Variants in HIVEP3 observed in about 807,000 individuals in gnomAD.
HIVEP3 encodes transcription factor HIVEP3.
A neutral mutation model predicts 152.8 loss-of-function variants in HIVEP3; 49 were observed. That is an observed-to-expected ratio of 0.32 (90% CI 0.26 to 0.41). The LOEUF (loss-of-function observed/expected upper bound fraction) is 0.41, where lower values mean the gene tolerates loss of function less well. Ranked by LOEUF, HIVEP3 falls within the 10% of genes least tolerant of loss-of-function variation. The pLI is 1.00. For missense variants in HIVEP3, 2,790 were observed against 3,103.3 expected, an observed-to-expected ratio of 0.90 and a Z score of 2.40; for synonymous variants, 1,269 against 1,289.0, an observed-to-expected ratio of 0.98 and a Z score of 0.33.
intron 3 of HIVEP3, among the ~76,000 whole-genome samples, chr1:41,604,729 G>A (rs749419317): frequency 5.9e-5 from 9 of 152,130 alleles, no homozygotes; most frequent in Non-Finnish European, 8.8e-5. Context: ...TTAGTATTCT[G>A]TACTAGCAGC....
At chr1:41,604,064 C>T (rs1418813945) in intron 3 of HIVEP3, among the ~76,000 whole-genome samples, 1 of 152,234 alleles carries the variant, frequency 6.6e-6, no homozygotes, top group Admixed American at 6.5e-5. Flanking sequence ...ACAACTGGAA[C>T]TCTTCTTGTG....
intron 1 of HIVEP3, among the ~76,000 whole-genome samples, chr1:41,821,765 C>G (rs967218032): frequency 6.6e-6 from 1 of 152,202 alleles, no homozygotes; most frequent in African/African-American, 2.4e-5. Context: ...CAGTCTGGTC[C>G]TTTGGCTGCC....
intron 1 of HIVEP3, among the ~76,000 whole-genome samples, chr1:41,962,144 A>G (rs1645172987): frequency 6.6e-6 from 1 of 152,274 alleles, no homozygotes; most frequent in African/African-American, 2.4e-5. Flanking sequence ...GATTCACTTA[A>G]GCCAGAAATA....
At chr1:41,623,857 C>A (rs1345563420) in intron 3 of HIVEP3, among the ~76,000 whole-genome samples, 1 of 151,948 alleles carries the variant, frequency 6.6e-6, no homozygotes, top group African/African-American at 2.4e-5. Flanking sequence ...CACTGCCTCA[C>A]ACCTTGACCT....
chr1:41,597,960 C>A (rs1644690759), intron 3 of HIVEP3, among the ~76,000 whole-genome samples: 1 of 152,194 alleles, frequency 6.6e-6, no homozygotes, highest in Non-Finnish European at 1.5e-5. Context: ...AGCTAGCTAT[C>A]CACCTACCTA....
chr1:41,719,021 T>C (rs893094432), intron 1 of HIVEP3, among the ~76,000 whole-genome samples: 2 of 152,072 alleles, frequency 1.3e-5, no homozygotes, highest in African/African-American at 4.8e-5. Flanking sequence ...CATGGCCAAG[T>C]GGGAGTAACA....
chr1:41,948,465 G>A (rs1035069379), intron 1 of HIVEP3, among the ~76,000 whole-genome samples: 1 of 152,142 alleles, frequency 6.6e-6, no homozygotes, highest in African/African-American at 2.4e-5. Context: ...AGAGGTGGCA[G>A]TCTTACACTG....
At chr1:41,868,906 T>C (rs376722695) in intron 1 of HIVEP3, among the ~76,000 whole-genome samples, 8 of 152,372 alleles carry the variant, frequency 5.3e-5, no homozygotes, top group Middle Eastern at 3.4e-3. Context: ...ATAATGACTG[T>C]GCACATTAAT....
In HIVEP3 at chr1:41,727,483, C is replaced by T. The variant is rs1434718568; in HGVS notation, c.-800-26488G>A. On this transcript the variant is annotated intron_variant, in intron 1 of 8. Coordinates refer to ENST00000372583, the MANE Select transcript of HIVEP3 (RefSeq NM_024503.5). ...GGAGTAGGGGTGGGCTGGGGGGACA[C>T]TGCCAGACGGAAATGAAAGTGGCCT... Among the ~76,000 whole-genome samples the T allele has an allele frequency of 2.6e-5, 4 of 152,196 alleles. No individual in the cohort carries two copies. In the South Asian group the frequency reaches 8.3e-4, roughly 31 times the overall value.
At chr1:41,745,900 AG>A (rs1369395245) in intron 1 of HIVEP3, among the ~76,000 whole-genome samples, 2 of 152,232 alleles carry the variant, frequency 1.3e-5, no homozygotes, top group African/African-American at 4.8e-5. Flanking sequence ...GAATCCTAGC[AG>A]ATCTGGTCCC....
At chr1:41,625,687 A>T (rs1645107561) in intron 3 of HIVEP3, among the ~76,000 whole-genome samples, 1 of 152,232 alleles carries the variant, frequency 6.6e-6, no homozygotes, top group African/African-American at 2.4e-5. Context: ...GTGAGCTATG[A>T]TCACACCACT....
intron 1 of HIVEP3, among the ~76,000 whole-genome samples, chr1:41,956,947 A>G (rs1463381128): frequency 6.6e-6 from 1 of 152,220 alleles, no homozygotes; most frequent in South Asian, 2.1e-4. Context: ...AAAAGACCTT[A>G]GGATGGGTGA....
chr1:41,766,860 T>A (rs1648043575), intron 1 of HIVEP3, among the ~76,000 whole-genome samples: 1 of 152,240 alleles, frequency 6.6e-6, no homozygotes, highest in Non-Finnish European at 1.5e-5. Context: ...AACAGTCTCT[T>A]GGAAGTGTCA....
intron 5 of HIVEP3, among the ~76,000 whole-genome samples, chr1:41,567,694 C>T (rs907414076): frequency 2.1e-4 from 32 of 152,200 alleles, no homozygotes; most frequent in African/African-American, 7.5e-4. Flanking sequence ...TCAGAGAAGG[C>T]CCTGGCCTGG....
intron 3 of HIVEP3, among the ~76,000 whole-genome samples, chr1:41,627,577 C>A (rs550521928): frequency 6.6e-6 from 1 of 152,304 alleles, no homozygotes; most frequent in Non-Finnish European, 1.5e-5. Context: ...ACCCCGAAGT[C>A]CAGGCAGCAA....
chr1:41,671,484 C>A (rs1369781444), intron 2 of HIVEP3, among the ~76,000 whole-genome samples: 1 of 152,216 alleles, frequency 6.6e-6, no homozygotes, highest in Admixed American at 6.5e-5. Context: ...ATAGGCCCTG[C>A]CATGGGGAAG....
At chr1:41,787,903 T>C (rs1444697510) in intron 1 of HIVEP3, among the ~76,000 whole-genome samples, 1 of 151,962 alleles carries the variant, frequency 6.6e-6, no homozygotes, top group African/African-American at 2.4e-5. Context: ...GAAAGAAATA[T>C]GTGGGGAGGG....
At chr1:41,888,352 T>C (rs1312433223) in intron 1 of HIVEP3, among the ~76,000 whole-genome samples, 1 of 151,770 alleles carries the variant, frequency 6.6e-6, no homozygotes, top group African/African-American at 2.4e-5. Flanking sequence ...ACGCCCGGCC[T>C]AGCCCAGCTG....
At chr1:41,756,330 G>A (rs969805304) in intron 1 of HIVEP3, among the ~76,000 whole-genome samples, 4 of 152,216 alleles carry the variant, frequency 2.6e-5, no homozygotes, top group African/African-American at 9.6e-5. Flanking sequence ...GATCTTTCAG[G>A]TGATGGAATA....
Sources: gnomAD v4.1 joint callset for allele counts (sites outside exome capture counted in the v4.1 genomes callset) on GRCh38, gnomAD v4.1.1 for gene constraint, MANE v1.5 for transcripts, NCBI Gene and HGNC (gene_info 2026-07-23, HGNC 2026-07-21) for gene names.